The following C4BPA variants were observed in gnomAD, a reference collection of about 807,000 sequenced individuals.
C4BPA encodes C4b-binding protein alpha chain.
In C4BPA, 31 loss-of-function variants were observed where a neutral mutation model predicts 63.7. That is an observed-to-expected ratio of 0.49 (90% CI 0.37 to 0.66). The LOEUF is 0.66. Ranked by LOEUF, C4BPA falls within the 30% of genes least tolerant of loss-of-function variation. The pLI, the probability that C4BPA is intolerant of heterozygous loss-of-function variation, is 0.00. For synonymous variants in C4BPA, 259 were observed against 254.7 expected (o/e 1.02, Z -0.16); for missense variants, 572 against 723.3 (o/e 0.79, Z 2.40).
At chr1:207,112,911 T>C in intron 1 of C4BPA, 90 bp from the exon 2 acceptor site, 2 of 1,244,578 alleles carry the variant, frequency 1.6e-6, no homozygotes, top group Non-Finnish European at 2.2e-6. Context: ...TGTCATTTCC[T>C]TGAAGACATG....
rs185644152 is a variant in C4BPA, at chr1:207,115,924, C to T, written c.428+409C>T. Among the ~76,000 whole-genome samples, 19 of 152,230 alleles carry T rather than the reference C, an allele frequency of 1.2e-4. No individual in the cohort carries two copies. The East Asian group carries it at 1.7e-3, about 14-fold the overall frequency. On this transcript the variant is annotated intron_variant, in intron 4 of 11. Transcript: ENST00000367070. The stretch of plus-strand genomic sequence containing the variant: ...TTGTGTAGTTGTGTCATGGCTTTGC[C>T]GTCCTTGTGATGGATCCATGGATGT...
chr1:207,116,114 C>G (rs935067490), intron 4 of C4BPA, among the ~76,000 whole-genome samples: 20 of 152,186 alleles, frequency 1.3e-4, no homozygotes, highest in African/African-American at 4.8e-4. Context: ...AGACTGCTTT[C>G]CCTAAGGGTT....
At chr1:207,138,174 G>C (rs1409841324) in intron 9 of C4BPA, among the ~76,000 whole-genome samples, 3 of 152,188 alleles carry the variant, frequency 2.0e-5, no homozygotes. Context: ...GGTTATACTG[G>C]ATAACTGGTA....
intron 6 of C4BPA, among the ~76,000 whole-genome samples, chr1:207,126,365 T>G (rs1047707550): frequency 1.3e-5 from 2 of 148,158 alleles, no homozygotes; most frequent in African/African-American, 2.4e-5. Context: ...AAATATATAA[T>G]AAGTATCATT....
At chr1:207,128,938 C>T (rs1685104962) in intron 7 of C4BPA, among the ~76,000 whole-genome samples, 1 of 152,026 alleles carries the variant, frequency 6.6e-6, no homozygotes, top group African/African-American at 2.4e-5. Context: ...ACAATAGAAA[C>T]TGTTTTTGAG....
intron 1 of C4BPA, among the ~76,000 whole-genome samples, chr1:207,110,607 T>G (rs539486674): frequency 2.0e-5 from 3 of 152,114 alleles, no homozygotes; most frequent in Admixed American, 2.0e-4. Context: ...CTGGGCAACA[T>G]AGTAAGATCA....
chr1:207,134,253 G>A (rs937491790), intron 8 of C4BPA, 151 bp from the exon 9 acceptor site: 2 of 582,178 alleles, frequency 3.4e-6, no homozygotes, highest in Non-Finnish European at 6.1e-6. Flanking sequence ...AGGGGGGAAA[G>A]AGCAGACTTG....
intron 1 of C4BPA, among the ~76,000 whole-genome samples, chr1:207,108,630 A>C (rs1572772657): frequency 6.6e-6 from 1 of 152,256 alleles, no homozygotes. Context: ...ATAAGACAGA[A>C]TAAAATAATT....
In C4BPA at chr1:207,124,008, G is replaced by A. The variant is rs111846206; in HGVS notation, c.514+1G>A. 1 of 1,601,958 alleles carries A rather than the reference G, an allele frequency of 6.2e-7. No individual in the cohort carries two copies. Reference sequence around the variant, plus strand: ...AGTCATCCTCTCCCACAATGTGAAAGTAAGTAAAGACTCTTCTGACTTGAC... The same window carrying A: ...AGTCATCCTCTCCCACAATGTGAAAATAAGTAAAGACTCTTCTGACTTGAC... On this transcript the variant is annotated splice_donor_variant, in intron 5 of 11. Coordinates refer to ENST00000367070, the MANE Select transcript of C4BPA (RefSeq NM_000715.4). LOFTEE classifies it high-confidence loss of function.
At position 207,126,758 on chromosome 1, in the gene C4BPA, C is replaced by A; in HGVS notation, c.752C>A (p.Ser251Tyr). The change falls in exon 7 of 12, where the codon TCT becomes TAT. Residue 251 changes from serine (S) to tyrosine (Y), a missense_variant. Ser to Tyr is a moderately radical substitution (Grantham distance 144). Coordinates refer to ENST00000367070, the MANE Select transcript of C4BPA (RefSeq NM_000715.4). The stretch of plus-strand genomic sequence containing the variant: ...GATGTTTCACATGGGGAAATGGTCT[C>A]TGGATTTGGACCCATCTATAATTAC... ...KPDVSHGEMVSGFGPIYNYKD... is the reference protein window; with the variant it reads ...KPDVSHGEMVYGFGPIYNYKD... 1 of 1,611,412 alleles carries A rather than the reference C, an allele frequency of 6.2e-7. No homozygotes were observed. The highest frequency in any genetic ancestry group is 1.1e-5 in the South Asian group (1 of 90,608).
chr1:207,120,136 T>C (rs867222829), intron 4 of C4BPA, among the ~76,000 whole-genome samples: 36 of 152,258 alleles, frequency 2.4e-4, no homozygotes, highest in Admixed American at 1.7e-3. Flanking sequence ...TCAGGATTAG[T>C]CACACCAACC....
At position 207,110,561 on chromosome 1, in the gene C4BPA, G is replaced by A. The variant is rs138747886; in HGVS notation, c.-25-2440G>A. ...TCCCAGCACTTTGGGAGGCCGAGGC[G>A]GGAGAATTGCTTGAGGCCAGGAGTT... On this transcript the variant is annotated intron_variant, in intron 1 of 11. Transcript: ENST00000367070. Among the ~76,000 whole-genome samples the A allele has an allele frequency of 4.7e-3, 709 of 152,220 alleles. 9 individuals carry two copies. The highest frequency in any genetic ancestry group is 6.6e-3 in the Non-Finnish European group (447 of 68,004).
intron 4 of C4BPA, among the ~76,000 whole-genome samples, chr1:207,117,359 C>G (rs6674684): frequency 0.6 from 90,689 of 152,008 alleles, 28,004 homozygotes; most frequent in East Asian, 0.73. Flanking sequence ...GCTGAGGTGG[C>G]AGGATCACTT....
chr1:207,134,050 G>T (rs1685225258), intron 8 of C4BPA, among the ~76,000 whole-genome samples: 1 of 152,006 alleles, frequency 6.6e-6, no homozygotes, highest in South Asian at 2.1e-4. Context: ...ATCGCACTCT[G>T]TTGCCCAGGC....
At chr1:207,144,061 C>T (rs1685480223) in intron 11 of C4BPA, 68 bp downstream of exon 11, 1 of 1,122,118 alleles carries the variant, frequency 8.9e-7, no homozygotes, top group Non-Finnish European at 1.3e-6. Context: ...CCCCAGAGCT[C>T]TGTACCACTC....
Position 207,118,163 on chromosome 1 carries a change from CTG to C in C4BPA, c.428+2650_428+2651del, listed in dbSNP as rs1558089360. Among the ~76,000 whole-genome samples the C allele has an allele frequency of 5.8e-4, 38 of 65,066 alleles. 1 individual carries two copies. Among genetic ancestry groups the C allele is most frequent in the Admixed American group, 1.4e-3 (8 of 5,548 alleles). The allele number at this position is 65,066 out of a possible 152,430, so 42.7% of individuals were successfully genotyped here. On this transcript the variant is annotated intron_variant, in intron 4 of 11. Coordinates refer to ENST00000367070, the MANE Select transcript of C4BPA (RefSeq NM_000715.4). Reference sequence around the variant, plus strand: ...TCTGTCTGTCTGTCTGTCTGTCTGTCTGTCTATCTATCTATATCTATCTATCT... The same window carrying C: ...TCTGTCTGTCTGTCTGTCTGTCTGTCTCTATCTATCTATATCTATCTATCT...
chr1:207,105,747 G>C (rs1225499603), intron 1 of C4BPA, among the ~76,000 whole-genome samples: 1 of 152,030 alleles, frequency 6.6e-6, no homozygotes, highest in African/African-American at 2.4e-5. Context: ...GGGGAAGTTA[G>C]ACAAAATAAA....
At chr1:207,116,655 G>A (rs1412832075) in intron 4 of C4BPA, among the ~76,000 whole-genome samples, 1 of 151,414 alleles carries the variant, frequency 6.6e-6, no homozygotes, top group African/African-American at 2.4e-5. Context: ...TTTTAGAAAT[G>A]GCTTTTGGAT....
At chr1:207,117,955 C>G (rs900425847) in intron 4 of C4BPA, among the ~76,000 whole-genome samples, 3 of 152,160 alleles carry the variant, frequency 2.0e-5, no homozygotes, top group African/African-American at 7.2e-5. Flanking sequence ...CTCAGTTCGT[C>G]TTAGTCTTTT....
Sources: allele counts gnomAD v4.1 joint callset (sites outside exome capture counted in the v4.1 genomes callset), GRCh38; gene constraint gnomAD v4.1.1; transcripts MANE v1.5; gene names NCBI Gene and HGNC (gene_info 2026-07-23, HGNC 2026-07-21).